SUCLG2: variants seen among roughly 807,000 people sequenced by gnomAD.
The protein encoded by SUCLG2 is succinate-CoA ligase GDP-forming subunit beta.
A neutral mutation model predicts 47.9 loss-of-function variants in SUCLG2; 42 were observed. The observed-to-expected ratio is 0.88, with a 90% CI of 0.69 to 1.14. The LOEUF (loss-of-function observed/expected upper bound fraction) is 1.14, where lower values mean the gene tolerates loss of function less well. Ranked by LOEUF, SUCLG2 falls within the 50% of genes most tolerant of loss-of-function variation. SUCLG2 has a pLI of 0.00. For synonymous variants in SUCLG2, 195 were observed against 197.3 expected (o/e 0.99, Z 0.10); for missense variants, 571 against 525.9 (o/e 1.09, Z -0.84).
At chr3:67,611,938 C>G (rs1009585893) in intron 1 of SUCLG2, among the ~76,000 whole-genome samples, 3 of 152,024 alleles carry the variant, frequency 2.0e-5, no homozygotes, top group Non-Finnish European at 4.4e-5. Context: ...ACTGATGACA[C>G]CCGGCTATCA....
At chr3:67,488,464 G>A (rs959272581) in intron 9 of SUCLG2, among the ~76,000 whole-genome samples, 3 of 152,142 alleles carry the variant, frequency 2.0e-5, no homozygotes, top group Admixed American at 6.5e-5. Context: ...CTGCTATACA[G>A]GAAAGGAATC....
intron 7 of SUCLG2, among the ~76,000 whole-genome samples, chr3:67,505,188 G>C (rs1027636845): frequency 1.3e-5 from 2 of 152,140 alleles, no homozygotes; most frequent in South Asian, 4.2e-4. Context: ...GGAGCACTGG[G>C]AGCCATCTTT....
chr3:67,562,039 C>T lies in SUCLG2; in HGVS notation c.227-32853G>A, dbSNP rs140974771. On this transcript the variant is annotated intron_variant, in intron 2 of 10. Coordinates refer to ENST00000307227, the MANE Select transcript of SUCLG2 (RefSeq NM_003848.4). ...CTCTTCCTACACCCCTGCCCCTACTCCCTTCTGCATTTTTGATGGGGGAAA... is the reference window on the plus strand; with the variant it reads ...CTCTTCCTACACCCCTGCCCCTACTTCCTTCTGCATTTTTGATGGGGGAAA... Among the ~76,000 whole-genome samples the T allele has an allele frequency of 3.8e-3, 586 of 152,282 alleles. 5 individuals are homozygous for T. The highest frequency in any genetic ancestry group is 0.013 in the African/African-American group (528 of 41,556).
At chr3:67,596,832 A>G (rs1344815289) in intron 2 of SUCLG2, among the ~76,000 whole-genome samples, 1 of 152,218 alleles carries the variant, frequency 6.6e-6, no homozygotes, top group Non-Finnish European at 1.5e-5. Context: ...ATGGAGAGCT[A>G]CTGTCTAATA....
chr3:67,546,194 T>C lies in SUCLG2; in HGVS notation c.227-17008A>G, dbSNP rs557631194. ...AACAAGCTGGTATAAATTTTACTTC[T>C]TGGAGTAAAAGAATACAAAATTTTT... On this transcript the variant is annotated intron_variant, in intron 2 of 10. Transcript: ENST00000307227. Among the ~76,000 whole-genome samples, 14 of 152,326 alleles carry C rather than the reference T, an allele frequency of 9.2e-5. 1 individual carries two copies. In the South Asian group the frequency reaches 2.7e-3, roughly 29 times the overall value.
At chr3:67,653,511 T>A (rs1309419158) in intron 1 of SUCLG2, among the ~76,000 whole-genome samples, 3 of 152,206 alleles carry the variant, frequency 2.0e-5, no homozygotes, top group African/African-American at 7.2e-5. Context: ...AAATCATTAA[T>A]CACTATTTTT....
intron 7 of SUCLG2, among the ~76,000 whole-genome samples, chr3:67,505,379 A>G (rs762493107): frequency 4.6e-5 from 7 of 152,262 alleles, no homozygotes; most frequent in Non-Finnish European, 8.8e-5. Context: ...GTCATTAGCA[A>G]CCATTATAAT....
intron 7 of SUCLG2, among the ~76,000 whole-genome samples, chr3:67,505,824 C>T (rs867400485): frequency 6.6e-5 from 10 of 151,834 alleles, no homozygotes; most frequent in Middle Eastern, 3.4e-3. Flanking sequence ...TAGCTGGGCG[C>T]GGTGGTGGGC....
At chr3:67,477,637 G>A (rs1046178481) in intron 9 of SUCLG2, among the ~76,000 whole-genome samples, 2 of 152,222 alleles carry the variant, frequency 1.3e-5, no homozygotes, top group African/African-American at 4.8e-5. Flanking sequence ...AGAGGTTGCA[G>A]TGATCTGAGA....
At chr3:67,426,814 A>C (rs982970633) in intron 9 of SUCLG2, among the ~76,000 whole-genome samples, 7 of 151,960 alleles carry the variant, frequency 4.6e-5, no homozygotes, top group Admixed American at 1.3e-4. Flanking sequence ...TGTAGTCCCA[A>C]CTACCTGGGA....
intron 4 of SUCLG2, among the ~76,000 whole-genome samples, chr3:67,525,182 C>T (rs969571336): frequency 1.3e-5 from 2 of 152,074 alleles, no homozygotes; most frequent in African/African-American, 4.8e-5. Flanking sequence ...CAAGGCTTAA[C>T]ATAACAAAAA....
intron 2 of SUCLG2, among the ~76,000 whole-genome samples, chr3:67,583,377 G>A (rs1707931188): frequency 1.3e-5 from 2 of 152,176 alleles, no homozygotes; most frequent in South Asian, 4.2e-4. Context: ...CTCAGCGAAA[G>A]GATCCTTTTA....
At chr3:67,645,995 G>T (rs1701183698) in intron 1 of SUCLG2, among the ~76,000 whole-genome samples, 1 of 150,662 alleles carries the variant, frequency 6.6e-6, no homozygotes, top group African/African-American at 2.4e-5. Flanking sequence ...ATATTTTCTG[G>T]TAAAGCTATA....
chr3:67,617,943 T>C (rs535512122), intron 1 of SUCLG2, among the ~76,000 whole-genome samples: 3 of 152,330 alleles, frequency 2.0e-5, no homozygotes, highest in African/African-American at 7.2e-5. Context: ...GGTGATCATA[T>C]AAATAATTTT....
At chr3:67,488,853 A>T (rs745413729) in intron 9 of SUCLG2, among the ~76,000 whole-genome samples, 6 of 152,110 alleles carry the variant, frequency 3.9e-5, no homozygotes, top group Non-Finnish European at 8.8e-5. Context: ...CTACAAAGGC[A>T]TCTACACAGA....
At chr3:67,566,481 A>T (rs1039172708) in intron 2 of SUCLG2, among the ~76,000 whole-genome samples, 1 of 152,224 alleles carries the variant, frequency 6.6e-6, no homozygotes, top group African/African-American at 2.4e-5. Context: ...ACATATACAT[A>T]TGTATCTCCA....
chr3:67,649,843 G>C (rs1701255038), intron 1 of SUCLG2, among the ~76,000 whole-genome samples: 1 of 152,198 alleles, frequency 6.6e-6, no homozygotes, highest in African/African-American at 2.4e-5. Flanking sequence ...AATGATCTGA[G>C]GTTACTTATG....
intron 4 of SUCLG2, 38 bp from the exon 5 acceptor site, chr3:67,520,672 T>C (rs773375084): frequency 6.4e-7 from 1 of 1,571,244 alleles, no homozygotes; most frequent in Non-Finnish European, 8.6e-7. Flanking sequence ...AATTCAGCAT[T>C]AAGCTGATTT....
chr3:67,393,824 C>A (rs1239168997), intron 10 of SUCLG2, among the ~76,000 whole-genome samples: 1 of 152,246 alleles, frequency 6.6e-6, no homozygotes, highest in South Asian at 2.1e-4. Context: ...TGAGACAAAA[C>A]TTCCAGAGGA....
Sources: allele counts gnomAD v4.1 joint callset (sites outside exome capture counted in the v4.1 genomes callset), GRCh38; gene constraint gnomAD v4.1.1; transcripts MANE v1.5; gene names NCBI Gene and HGNC (gene_info 2026-07-23, HGNC 2026-07-21).